Variants in MDM4 observed in about 807,000 individuals in gnomAD.
The protein encoded by MDM4 is protein Mdm4.
In MDM4, 2 loss-of-function variants were observed where a neutral mutation model predicts 60.2. The ratio of observed to expected loss-of-function variants is 0.03; its 90% CI spans 0.01 to 0.10. MDM4 has a LOEUF of 0.10. MDM4 is among the 10% of genes least tolerant of loss of function. The pLI is 1.00. For synonymous variants in MDM4, 202 were observed against 198.1 expected (o/e 1.02, Z -0.17); for missense variants, 447 against 577.5 (o/e 0.77, Z 2.32).
chr1:204,544,796 A>T, intron 9 of MDM4, 112 bp downstream of exon 9: 6 of 980,266 alleles, frequency 6.1e-6, no homozygotes, highest in Non-Finnish European at 8.6e-6. Flanking sequence ...TCCCCTTTTT[A>T]ACTTTAATTA....
Position 204,551,560 on chromosome 1 carries a change from C to T in MDM4, c.*1878C>T, listed in dbSNP as rs1299034369. 8.9e-5 allele frequency: 17 copies of T among 191,454 alleles called. No individual in the cohort carries two copies. The highest frequency in any genetic ancestry group is 7.0e-5 in the Admixed American group (1 of 14,268). The allele number at this position is 191,454 out of a possible 1,614,324, so 11.9% of individuals were successfully genotyped here. On this transcript the variant is annotated 3_prime_UTR_variant, in exon 11 of 11. Transcript: ENST00000367182. ...AATGGTAGATCTGAAGAGGCCTCAT[C>T]AGAGCACATATTTTAGGACAACACA...
chr1:204,549,831 A>G lies in MDM4; in HGVS notation c.*149A>G. On this transcript the variant is annotated 3_prime_UTR_variant, in exon 11 of 11. Coordinates refer to ENST00000367182, the MANE Select transcript of MDM4 (RefSeq NM_002393.5). ...AGCTGTAAGAAAAATACTGGAGCTAACAATGAAGAACAGAAGTAATCTGAT... is the reference window on the plus strand; with the variant it reads ...AGCTGTAAGAAAAATACTGGAGCTAGCAATGAAGAACAGAAGTAATCTGAT... 3.6e-6 allele frequency: 2 copies of G among 555,626 alleles called. No homozygotes were observed. The highest frequency in any genetic ancestry group is 3.1e-6 in the Non-Finnish European group (1 of 322,420). 34.4% of individuals were successfully genotyped at this position (555,626 alleles called of 1,614,324 possible).
intron 4 of MDM4, 101 bp from the exon 5 acceptor site, chr1:204,532,090 G>A: frequency 2.8e-6 from 2 of 705,200 alleles, no homozygotes; most frequent in Non-Finnish European, 5.0e-6. Flanking sequence ...GAGAGACTTG[G>A]GAGATAACAT....
intron 9 of MDM4, 82 bp from the exon 10 acceptor site, chr1:204,546,715 G>C: frequency 1.2e-6 from 1 of 844,858 alleles, no homozygotes; most frequent in Non-Finnish European, 2.0e-6. Flanking sequence ...TTAAATTGAA[G>C]CAGTTGTCTT....
At chr1:204,542,704 G>A (rs945794508) in intron 7 of MDM4, 80 bp from the exon 8 acceptor site, 8 of 1,035,922 alleles carry the variant, frequency 7.7e-6, no homozygotes, top group Admixed American at 2.8e-5. Flanking sequence ...ATTTTATAAA[G>A]AAGTTTTAAG....
At chr1:204,543,070 T>C (rs1485283873) in intron 8 of MDM4, 126 bp downstream of exon 8, 7 of 745,770 alleles carry the variant, frequency 9.4e-6, no homozygotes, top group Non-Finnish European at 1.5e-5. Flanking sequence ...AAATACCATC[T>C]GTATGCATGT....
chr1:204,543,116 C>T (rs1662292925), intron 8 of MDM4, among the ~76,000 whole-genome samples, 172 bp downstream of exon 8: 1 of 152,198 alleles, frequency 6.6e-6, no homozygotes, highest in Non-Finnish European at 1.5e-5. Flanking sequence ...CTTACCTCTT[C>T]CCTAAATGCC....
chr1:204,541,196 T>C (rs1572507850), intron 7 of MDM4, among the ~76,000 whole-genome samples: 2 of 152,200 alleles, frequency 1.3e-5, no homozygotes, highest in South Asian at 4.2e-4. Context: ...TGGTAGCTCG[T>C]GCCTGTAATC....
rs1242240451 is a variant in MDM4 at position 204,550,605 on chromosome 1, A to T, written c.*923A>T. On this transcript the variant is annotated 3_prime_UTR_variant, in exon 11 of 11. Coordinates refer to ENST00000367182, the MANE Select transcript of MDM4 (RefSeq NM_002393.5). ...GAGAGACGGTCTCACTTTGTCATCC[A>T]AGCTGGAGTGCAGTGGTGCAAACAC... 1 of 179,488 alleles carries T rather than the reference A, an allele frequency of 5.6e-6. No homozygotes were observed. Among genetic ancestry groups the T allele is most frequent in the African/African-American group, 2.4e-5 (1 of 42,098 alleles). The allele number at this position is 179,488 out of a possible 1,614,324, so 11.1% of individuals were successfully genotyped here. A position where few individuals can be genotyped will look rare whatever the true frequency, so the allele number is the denominator to read the frequency against.
chr1:204,536,905 C>G (rs1485936514), intron 5 of MDM4: 1 of 393,522 alleles, frequency 2.5e-6, no homozygotes, highest in African/African-American at 2.2e-5. Context: ...ATAAAATTAT[C>G]CTTGACACTT....
Position 204,538,250 on chromosome 1 carries a change from A to C in MDM4, c.453A>C (p.Thr151=), listed in dbSNP as rs1265803603. 2 of 1,612,148 alleles carry C rather than the reference A, an allele frequency of 1.2e-6. No homozygotes were observed. The highest frequency in any genetic ancestry group is 4.5e-5 in the East Asian group (2 of 44,868). ...GTTCCACTTCCAGAAAAAGAACTAC[A>C]GAAGACGATATCCCCACACTGCCTA... ...EESSTSRKRT[T]EDDIPTLPTS... The change falls in exon 7 of 11, where the codon ACA becomes ACC. Residue 151 remains threonine, a synonymous_variant. Transcript: ENST00000367182.
At chr1:204,532,600 C>T (rs752506005) in intron 5 of MDM4, 3 of 600,584 alleles carry the variant, frequency 5.0e-6, no homozygotes, top group Non-Finnish European at 8.6e-6. Flanking sequence ...ATTTCATAGC[C>T]AGTTTATGTA....
Position 204,557,789 on chromosome 1 carries a change from C to T in MDM4, c.*8107C>T, listed in dbSNP as rs1206934865. The T allele has an allele frequency of 2.1e-5, 4 of 188,064 alleles. No homozygotes were observed. Among genetic ancestry groups the T allele is most frequent in the South Asian group, 2.0e-4 (1 of 5,122 alleles). The allele number at this position is 188,064 out of a possible 1,614,324, so 11.6% of individuals were successfully genotyped here. ...AAACATGAAATTTTCCAAATATTTC[C>T]GATCAGAGAATCACAAGAGCAGCAA... On this transcript the variant is annotated 3_prime_UTR_variant, in exon 11 of 11. Coordinates refer to ENST00000367182, the MANE Select transcript of MDM4 (RefSeq NM_002393.5).
At chr1:204,548,779 A>G (rs1389835143) in intron 10 of MDM4, among the ~76,000 whole-genome samples, 2 of 152,172 alleles carry the variant, frequency 1.3e-5, no homozygotes, top group Non-Finnish European at 2.9e-5. Context: ...TAAAGGAGTA[A>G]GTTGTGCAAA....
intron 7 of MDM4, among the ~76,000 whole-genome samples, chr1:204,541,230 A>G (rs892917774): frequency 6.6e-6 from 1 of 152,160 alleles, no homozygotes; most frequent in African/African-American, 2.4e-5. Flanking sequence ...AGGCTGAGGC[A>G]GGGGCATTAC....
Position 204,529,325 on chromosome 1 carries a change from C to A in MDM4, c.154-1359C>A. 7 of 785,018 alleles carry A rather than the reference C, an allele frequency of 8.9e-6. No individual in the cohort carries two copies. In the South Asian group the frequency reaches 9.9e-5, roughly 11 times the overall value. The allele number at this position is 785,018 out of a possible 1,614,324, so 48.6% of individuals were successfully genotyped here. ...AAGCCACTGTGATCAGAGTCACCGA[C>A]TGGAACCAGGAGTAGGCCTCATCCA... On this transcript the variant is annotated intron_variant, in intron 3 of 10. Transcript: ENST00000367182.
At chr1:204,541,257 G>A (rs1276951275) in intron 7 of MDM4, among the ~76,000 whole-genome samples, 1 of 152,106 alleles carries the variant, frequency 6.6e-6, no homozygotes, top group Non-Finnish European at 1.5e-5. Context: ...TCAAGAGTTC[G>A]AGACCAGCTT....
At chr1:204,523,158 C>T (rs935930014) in intron 1 of MDM4, among the ~76,000 whole-genome samples, 9 of 151,270 alleles carry the variant, frequency 5.9e-5, no homozygotes, top group South Asian at 2.1e-4. Context: ...CCAGCGTGCC[C>T]GGCTGATAGT....
At chr1:204,534,126 A>G (rs1661148460) in intron 5 of MDM4, among the ~76,000 whole-genome samples, 1 of 152,216 alleles carries the variant, frequency 6.6e-6, no homozygotes, top group Non-Finnish European at 1.5e-5. Context: ...TTAAAGGCAG[A>G]GAAAGAGACA....
Sources: allele counts gnomAD v4.1 joint callset (sites outside exome capture counted in the v4.1 genomes callset), GRCh38; gene constraint gnomAD v4.1.1; transcripts MANE v1.5; gene names NCBI Gene and HGNC (gene_info 2026-07-23, HGNC 2026-07-21).